The following NCBP1 variants were observed in gnomAD, a reference collection of about 807,000 sequenced individuals.
The protein encoded by NCBP1 is nuclear cap-binding protein subunit 1.
NCBP1 carries 16 observed loss-of-function variants against 111.7 expected under a neutral mutation model. The ratio of observed to expected loss-of-function variants is 0.14; its 90% CI spans 0.10 to 0.22. The LOEUF is 0.22. NCBP1 is among the 10% of genes least tolerant of loss of function. The pLI is 1.00. For missense variants in NCBP1, 607 were observed against 957.5 expected (o/e 0.63, Z 4.83); for synonymous variants, 304 against 314.3 (o/e 0.97, Z 0.35).
chr9:97,659,745 G>A (rs2805839), intron 15 of NCBP1, among the ~76,000 whole-genome samples: 103,816 of 152,036 alleles, frequency 0.68, 35,961 homozygotes, highest in African/African-American at 0.78. Context: ...ATGATAAGGT[G>A]TAGTCTTTGC....
chr9:97,655,961 G>A (rs746224670), intron 13 of NCBP1, 50 bp from the exon 14 acceptor site: 11 of 1,520,854 alleles, frequency 7.2e-6, no homozygotes, highest in Non-Finnish European at 8.2e-6. Context: ...ACAAATGGGT[G>A]TAAGTGCAGA....
chr9:97,666,387 T>G (rs1828002639), intron 19 of NCBP1, among the ~76,000 whole-genome samples: 2 of 152,234 alleles, frequency 1.3e-5, no homozygotes, highest in Non-Finnish European at 2.9e-5. Context: ...GGTCACCATT[T>G]TGAGAAAATT....
chr9:97,641,735 A>C, intron 3 of NCBP1, 73 bp downstream of exon 3: 1 of 1,367,914 alleles, frequency 7.3e-7, no homozygotes, highest in Non-Finnish European at 9.8e-7. Context: ...GGAAATGTTC[A>C]AAATACATGT....
At chr9:97,653,768 A>G (rs1827563307) in intron 10 of NCBP1, 30 bp from the exon 11 acceptor site, 1 of 1,552,374 alleles carries the variant, frequency 6.4e-7, no homozygotes, top group Admixed American at 1.7e-5. Context: ...TAGCAGTTGG[A>G]TTGAATTGTG....
intron 14 of NCBP1, among the ~76,000 whole-genome samples, chr9:97,657,217 C>T (rs992013434): frequency 2.0e-5 from 3 of 152,186 alleles, no homozygotes; most frequent in Non-Finnish European, 4.4e-5. Context: ...CCGCCCGCCT[C>T]GGCCTCCCAA....
At chr9:97,658,276 C>T (rs61440789) in intron 14 of NCBP1, among the ~76,000 whole-genome samples, 17,979 of 152,160 alleles carry the variant, frequency 0.12, 3,014 homozygotes, top group African/African-American at 0.37. Flanking sequence ...TTTGTAAACA[C>T]CTTCTCAGGC....
At chr9:97,668,405 T>G (rs1204832099) in intron 20 of NCBP1, among the ~76,000 whole-genome samples, 1 of 152,204 alleles carries the variant, frequency 6.6e-6, no homozygotes, top group African/African-American at 2.4e-5. Flanking sequence ...ACAGCCCACT[T>G]TGAATTATTA....
At position 97,673,058 on chromosome 9, in the gene NCBP1, G is replaced by C. The variant is rs1343585670; in HGVS notation, c.*1859G>C. 1 of 152,512 alleles carries C rather than the reference G, an allele frequency of 6.6e-6. No individual in the cohort carries two copies. The highest frequency in any genetic ancestry group is 1.5e-5 in the Non-Finnish European group (1 of 68,278). The allele number at this position is 152,512 out of a possible 1,614,324, so 9.4% of individuals were successfully genotyped here. On this transcript the variant is annotated 3_prime_UTR_variant, in exon 23 of 23. Coordinates refer to ENST00000375147, the MANE Select transcript of NCBP1 (RefSeq NM_002486.5). The stretch of plus-strand genomic sequence containing the variant: ...CAGGAGAATCGCTTGAACCTGGGAG[G>C]TGGAGGTTTCAGTGAGCCAAGATTG...
intron 16 of NCBP1, 53 bp downstream of exon 16, chr9:97,661,121 G>A: frequency 6.3e-7 from 1 of 1,596,838 alleles, no homozygotes. Context: ...CCAACTTAAA[G>A]CATAAACATA....
At chr9:97,661,178 G>C in intron 16 of NCBP1, 110 bp downstream of exon 16, 1 of 1,352,410 alleles carries the variant, frequency 7.4e-7, no homozygotes, top group Non-Finnish European at 1.0e-6. Context: ...ATATCTGTTT[G>C]ACCTGTTCAG....
chr9:97,652,208 T>TATA (rs1827515951), intron 10 of NCBP1, among the ~76,000 whole-genome samples: 1 of 152,210 alleles, frequency 6.6e-6, no homozygotes, highest in Non-Finnish European at 1.5e-5. Flanking sequence ...TTCACCATAT[T>TATA]GGCCAGGCTG....
At chr9:97,651,854 T>TA (rs909562999) in intron 10 of NCBP1, among the ~76,000 whole-genome samples, 1 of 152,028 alleles carries the variant, frequency 6.6e-6, no homozygotes, top group Non-Finnish European at 1.5e-5. Flanking sequence ...CTTAGAAATC[T>TA]AAAGAGCCAA....
At chr9:97,667,193 G>A (rs2297160) in intron 20 of NCBP1, among the ~76,000 whole-genome samples, 17,946 of 152,084 alleles carry the variant, frequency 0.12, 3,010 homozygotes, top group African/African-American at 0.37. Context: ...TTGTATTTCT[G>A]TAGGAGTCTC....
intron 19 of NCBP1, among the ~76,000 whole-genome samples, chr9:97,665,136 T>C (rs998789144): frequency 1.3e-5 from 2 of 152,240 alleles, no homozygotes; most frequent in African/African-American, 2.4e-5. Flanking sequence ...ACTTTTCCAC[T>C]GTATCTGTTA....
At chr9:97,634,836 C>A (rs1166801640) in intron 1 of NCBP1, among the ~76,000 whole-genome samples, 1 of 152,176 alleles carries the variant, frequency 6.6e-6, no homozygotes, top group East Asian at 1.9e-4. Context: ...CAAAGCCAGA[C>A]CCTACCATTT....
At chr9:97,657,904 C>CTATA (rs1390961024) in intron 14 of NCBP1, among the ~76,000 whole-genome samples, 1 of 70,220 alleles carries the variant, frequency 1.4e-5, no homozygotes, top group Non-Finnish European at 2.9e-5. Flanking sequence ...CTCTCTCTCT[C>CTATA]TCTATATATA....
At chr9:97,635,867 C>G (rs1241332785) in intron 1 of NCBP1, 1 of 151,984 alleles carries the variant, frequency 6.6e-6, no homozygotes, top group Non-Finnish European at 1.5e-5. Context: ...GAGGTAATCC[C>G]TAAAGAGAGA....
At chr9:97,662,903 A>G (rs762372000) in intron 17 of NCBP1, 51 bp from the exon 18 acceptor site, 1 of 1,342,226 alleles carries the variant, frequency 7.5e-7, no homozygotes, top group Non-Finnish European at 1.0e-6. Context: ...AAACACTAAA[A>G]TGTTTAATGA....
At position 97,645,741 on chromosome 9, in the gene NCBP1, A is replaced by G; in HGVS notation, c.611+9A>G. On this transcript the variant is annotated intron_variant, in intron 6 of 22. Coordinates refer to ENST00000375147, the MANE Select transcript of NCBP1 (RefSeq NM_002486.5). ...ACTGAAAGCTATCTTAAGTAAGGGC[A>G]CAGCTCATAGTACTCTTTGTTGCTT... 1.2e-6 allele frequency: 2 copies of G among 1,613,718 alleles called. No individual in the cohort carries two copies. The highest frequency in any genetic ancestry group is 1.7e-6 in the Non-Finnish European group (2 of 1,179,836).
Sources: gnomAD v4.1 joint callset for allele counts (sites outside exome capture counted in the v4.1 genomes callset) on GRCh38, gnomAD v4.1.1 for gene constraint, MANE v1.5 for transcripts, NCBI Gene and HGNC (gene_info 2026-07-23, HGNC 2026-07-21) for gene names.